LDLRAD3: variants seen among roughly 807,000 people sequenced by gnomAD.
LDLRAD3 encodes low density lipoprotein receptor class A domain containing 3.
Under a neutral mutation model 29.4 loss-of-function variants are expected in LDLRAD3, and 20 were observed. The observed-to-expected ratio is 0.68, with a 90% confidence interval of 0.48 to 0.99. The LOEUF is 0.99. Among genes scored for constraint, LDLRAD3 ranks in the 50% least tolerant of loss-of-function variants. The pLI, the probability that LDLRAD3 is intolerant of heterozygous loss-of-function variation, is 0.00. For missense variants in LDLRAD3, 420 were observed against 454.3 expected (o/e 0.92, Z 0.69); for synonymous variants, 157 against 192.7 (o/e 0.81, Z 1.53).
At chr11:36,112,185 A>G (rs1853615719) in intron 4 of LDLRAD3, among the ~76,000 whole-genome samples, 1 of 152,234 alleles carries the variant, frequency 6.6e-6, no homozygotes, top group Non-Finnish European at 1.5e-5. Flanking sequence ...TTGCAACATT[A>G]TTCCTGGATT....
intron 1 of LDLRAD3, among the ~76,000 whole-genome samples, chr11:36,005,754 T>C (rs1266046968): frequency 1.3e-5 from 2 of 152,084 alleles, no homozygotes; most frequent in Non-Finnish European, 2.9e-5. Flanking sequence ...TAATTTACTC[T>C]CAATTCTGCA....
At chr11:36,004,421 C>T (rs1001850791) in intron 1 of LDLRAD3, among the ~76,000 whole-genome samples, 17 of 152,198 alleles carry the variant, frequency 1.1e-4, no homozygotes, top group Non-Finnish European at 5.9e-5. Flanking sequence ...CCATGTCTCA[C>T]ATCCAGGGCA....
At chr11:35,949,765 A>T (rs1213987574) in intron 1 of LDLRAD3, among the ~76,000 whole-genome samples, 1 of 152,176 alleles carries the variant, frequency 6.6e-6, no homozygotes, top group Non-Finnish European at 1.5e-5. Context: ...CAGACTAGCC[A>T]CATAACTTAT....
intron 2 of LDLRAD3, among the ~76,000 whole-genome samples, chr11:36,078,152 A>C (rs1853047404): frequency 1.3e-5 from 2 of 152,082 alleles, no homozygotes; most frequent in African/African-American, 4.8e-5. Flanking sequence ...GAGGGGAGGA[A>C]GTGCATGCTG....
chr11:36,224,794 A>G (rs1855477662), intron 4 of LDLRAD3, among the ~76,000 whole-genome samples: 1 of 152,196 alleles, frequency 6.6e-6, no homozygotes, highest in Admixed American at 6.5e-5. Context: ...TTATATCAGA[A>G]AAGAAGAGAA....
chr11:36,190,637 T>TAGAGAGA (rs1210881863), intron 4 of LDLRAD3, among the ~76,000 whole-genome samples: 4 of 152,040 alleles, frequency 2.6e-5, no homozygotes, highest in Non-Finnish European at 5.9e-5. Flanking sequence ...GTAGGAATTC[T>TAGAGAGA]AGAGAGAAGA....
At chr11:35,953,035 G>C (rs1851156804) in intron 1 of LDLRAD3, among the ~76,000 whole-genome samples, 1 of 152,186 alleles carries the variant, frequency 6.6e-6, no homozygotes, top group African/African-American at 2.4e-5. Context: ...CCTGTAAAGT[G>C]TTAGCTACAG....
At chr11:36,165,020 T>C (rs1854494407) in intron 4 of LDLRAD3, among the ~76,000 whole-genome samples, 1 of 152,194 alleles carries the variant, frequency 6.6e-6, no homozygotes, top group South Asian at 2.1e-4. Flanking sequence ...CAGGGAAAAT[T>C]TTACCCACAT....
In LDLRAD3 at chr11:36,227,126, C is replaced by G. The variant is rs147959076; in HGVS notation, c.496C>G (p.Leu166Val). 881 of 1,610,074 alleles carry G rather than the reference C, an allele frequency of 5.5e-4. No homozygotes were observed. The highest frequency in any genetic ancestry group is 7.1e-4 in the Non-Finnish European group (830 of 1,176,998). The change falls in exon 5 of 6, where the codon CTT (leucine) becomes GTT (valine). Residue 166 changes from leucine to valine, a missense_variant. Coordinates refer to ENST00000315571, the MANE Select transcript of LDLRAD3 (RefSeq NM_174902.4). ...GGTGTTTGTGACTTCAGAGAACCAA[C>G]TTGTGTATTACCCCAGCATCACCTA... ...GQVFVTSENQ[L>V]VYYPSITYAI...
At chr11:36,162,004 A>C (rs539970161) in intron 4 of LDLRAD3, among the ~76,000 whole-genome samples, 1 of 152,368 alleles carries the variant, frequency 6.6e-6, no homozygotes, top group East Asian at 1.9e-4. Context: ...AGATCTCTGC[A>C]AATCAGTAAT....
intron 4 of LDLRAD3, among the ~76,000 whole-genome samples, chr11:36,220,259 A>G (rs1198920993): frequency 1.3e-5 from 2 of 152,170 alleles, no homozygotes; most frequent in African/African-American, 2.4e-5. Context: ...GGGAAATGCT[A>G]TAGCAACTTT....
chr11:36,021,838 A>G lies in LDLRAD3; in HGVS notation c.47-14265A>G, dbSNP rs573703739. 8.5e-5 allele frequency among the ~76,000 whole-genome samples: 13 copies of G among 152,136 alleles called. No homozygotes were observed. In the South Asian group the frequency reaches 2.7e-3, roughly 32 times the overall value. ...TTAATTCTTTCTTTTTTTGGTAGAA[A>G]TGACGTCTCACTATATACCCCAGGC... On this transcript the variant is annotated intron_variant, in intron 1 of 5. Transcript: ENST00000315571.
chr11:36,157,388 G>A (rs1330177125), intron 4 of LDLRAD3, among the ~76,000 whole-genome samples: 1 of 152,182 alleles, frequency 6.6e-6, no homozygotes, highest in African/African-American at 2.4e-5. Context: ...AACTTGAGAG[G>A]GAGTTAATTG....
intron 1 of LDLRAD3, among the ~76,000 whole-genome samples, chr11:35,966,782 A>G (rs1318466301): frequency 6.6e-6 from 1 of 152,234 alleles, no homozygotes; most frequent in Non-Finnish European, 1.5e-5. Context: ...GGGTATATAT[A>G]TTAGGAGACC....
intron 2 of LDLRAD3, among the ~76,000 whole-genome samples, chr11:36,040,169 C>T (rs1170517355): frequency 7.1e-5 from 1 of 14,178 alleles, no homozygotes; most frequent in Non-Finnish European, 4.1e-4. Flanking sequence ...TAATACGCTT[C>T]TTAAAAAAGA....
chr11:35,956,301 C>T (rs1169839035), intron 1 of LDLRAD3, among the ~76,000 whole-genome samples: 1 of 152,134 alleles, frequency 6.6e-6, no homozygotes, highest in Non-Finnish European at 1.5e-5. Context: ...GCCTGTGCAA[C>T]ATAGCAAGAC....
chr11:36,216,979 C>T (rs1035891530), intron 4 of LDLRAD3, among the ~76,000 whole-genome samples: 1 of 152,064 alleles, frequency 6.6e-6, no homozygotes, highest in African/African-American at 2.4e-5. Flanking sequence ...ACTCCTGCAC[C>T]CAAAGACTAG....
chr11:36,097,565 G>A lies in LDLRAD3; in HGVS notation c.320-762G>A, dbSNP rs368634502. Among the ~76,000 whole-genome samples, 7 of 152,236 alleles carry A rather than the reference G, an allele frequency of 4.6e-5. No individual in the cohort carries two copies. In the East Asian group the frequency reaches 1.2e-3, roughly 25 times the overall value. ...GGTGAGGCATTTAGCATGTCGGGGT[G>A]GAGAGTGGCAAAATAGATAACAGAG... is the stretch of plus-strand genomic sequence containing the variant. On this transcript the variant is annotated intron_variant, in intron 3 of 5. Transcript: ENST00000315571.
chr11:36,061,886 C>A (rs1171123772), intron 2 of LDLRAD3, among the ~76,000 whole-genome samples: 1 of 152,014 alleles, frequency 6.6e-6, no homozygotes, highest in Non-Finnish European at 1.5e-5. Context: ...CATAAAATTG[C>A]CAGTTTGCAT....
Sources: allele counts gnomAD v4.1 joint callset (sites outside exome capture counted in the v4.1 genomes callset), GRCh38; gene constraint gnomAD v4.1.1; transcripts MANE v1.5; gene names NCBI Gene and HGNC (gene_info 2026-07-23, HGNC 2026-07-21).